CADPS2: variants seen among roughly 807,000 people sequenced by gnomAD.
CADPS2 encodes the protein calcium-dependent secretion activator 2.
In CADPS2, 93 loss-of-function variants were observed where a neutral mutation model predicts 172.5. The ratio of observed to expected loss-of-function variants is 0.54; its 90% confidence interval spans 0.46 to 0.64. The LOEUF is 0.64. CADPS2 is among the 30% of genes least tolerant of loss of function. The pLI is 0.00. For missense variants in CADPS2, 1,420 were observed against 1,565.9 expected (o/e 0.91, Z 1.57); for synonymous variants, 546 against 555.2 (o/e 0.98, Z 0.23).
chr7:122,321,320 C>T (rs2032443672), intron 29 of CADPS2, among the ~76,000 whole-genome samples: 1 of 152,128 alleles, frequency 6.6e-6, no homozygotes, highest in Non-Finnish European at 1.5e-5. Context: ...GTGTGTGCTA[C>T]TGCGCTCGGC....
At chr7:122,865,491 T>C (rs529717136) in intron 1 of CADPS2, among the ~76,000 whole-genome samples, 40 of 152,332 alleles carry the variant, frequency 2.6e-4, no homozygotes, top group Admixed American at 1.6e-3. Context: ...AGCCAATTCT[T>C]GCTCCTATTG....
chr7:122,450,521 CTTTTTTTTTTT>C (rs11422329), intron 15 of CADPS2, among the ~76,000 whole-genome samples: 2 of 79,130 alleles, frequency 2.5e-5, no homozygotes, highest in African/African-American at 9.4e-5. Flanking sequence ...TATTGGTGGC[CTTTTTTTTTTT>C]TTTTTTTTTT....
intron 1 of CADPS2, among the ~76,000 whole-genome samples, chr7:122,883,988 C>A (rs1248976146): frequency 6.6e-6 from 1 of 152,070 alleles, no homozygotes; most frequent in Non-Finnish European, 1.5e-5. Context: ...AATATTTAAA[C>A]AGAAGGAGTC....
At chr7:122,381,035 C>T (rs1412388797) in intron 24 of CADPS2, among the ~76,000 whole-genome samples, 6 of 152,212 alleles carry the variant, frequency 3.9e-5, no homozygotes, top group South Asian at 4.1e-4. Flanking sequence ...TAATAATTTT[C>T]TGAGCCAGAC....
chr7:122,733,912 G>A (rs868001011), intron 2 of CADPS2, among the ~76,000 whole-genome samples: 7 of 152,006 alleles, frequency 4.6e-5, no homozygotes, highest in Admixed American at 1.3e-4. Flanking sequence ...CTGCACTCTA[G>A]TCGGGGTGAC....
intron 1 of CADPS2, among the ~76,000 whole-genome samples, chr7:122,877,800 G>A (rs1002754830): frequency 6.6e-6 from 1 of 152,022 alleles, no homozygotes; most frequent in Non-Finnish European, 1.5e-5. Context: ...GTCTAATCAG[G>A]AGCATGTACT....
intron 20 of CADPS2, among the ~76,000 whole-genome samples, chr7:122,406,797 G>C (rs2046701114): frequency 6.6e-6 from 1 of 152,158 alleles, no homozygotes; most frequent in African/African-American, 2.4e-5. Flanking sequence ...TTATTCAGTA[G>C]GGAATTAGTG....
chr7:122,789,866 C>T (rs978595314), intron 1 of CADPS2, among the ~76,000 whole-genome samples: 5 of 151,916 alleles, frequency 3.3e-5, no homozygotes, highest in African/African-American at 1.2e-4. Flanking sequence ...AACATAGGAG[C>T]AATGCTGATC....
At chr7:122,583,529 TA>T (rs1011200148) in intron 6 of CADPS2, among the ~76,000 whole-genome samples, 5 of 151,366 alleles carry the variant, frequency 3.3e-5, no homozygotes, top group Admixed American at 6.6e-5. Context: ...CTTTTATAGG[TA>T]AAAAAAATTC....
rs1011257475 is a variant in CADPS2, at chr7:122,737,058, T to C, written c.350A>G (p.Gln117Arg). The C allele has an allele frequency of 1.9e-6, 3 of 1,588,686 alleles. No homozygotes were observed. The highest frequency in any genetic ancestry group is 1.7e-6 in the Non-Finnish European group (2 of 1,157,830). Residue 117 changes from glutamine (Q) to arginine (R), a missense_variant, in exon 2 of 30, where the codon CAA becomes CGA. Gln to Arg is a conservative substitution (Grantham distance 43, BLOSUM62 1). Transcript: ENST00000449022. ...CCGTTCTTTCAGTAACTGCAACTGT[T>C]GTTTGTTAAGCTACAAGAAAAAGAG... is the stretch of plus-strand genomic sequence containing the variant. ...MARRQQKLNK[Q>R]QLQLLKERFQ...
At chr7:122,603,647 T>C (rs144224450) in intron 6 of CADPS2, among the ~76,000 whole-genome samples, 41 of 152,194 alleles carry the variant, frequency 2.7e-4, no homozygotes, top group African/African-American at 8.4e-4. Context: ...CAGATATAAA[T>C]AGCCATAGTA....
chr7:122,865,422 T>C (rs1312304704), intron 1 of CADPS2, among the ~76,000 whole-genome samples: 2 of 152,186 alleles, frequency 1.3e-5, no homozygotes, highest in East Asian at 1.9e-4. Flanking sequence ...CTGTGACACA[T>C]GTGAGACCCT....
At chr7:122,719,916 C>T (rs996262888) in intron 2 of CADPS2, among the ~76,000 whole-genome samples, 4 of 151,952 alleles carry the variant, frequency 2.6e-5, no homozygotes, top group African/African-American at 9.7e-5. Flanking sequence ...TTTGTTGTAA[C>T]ATAGAAAATA....
chr7:122,494,708 A>C (rs957117118), intron 9 of CADPS2, among the ~76,000 whole-genome samples: 2 of 152,080 alleles, frequency 1.3e-5, no homozygotes, highest in African/African-American at 4.8e-5. Context: ...ATTTTGAAGA[A>C]TAAAAACATT....
Position 122,886,179 on chromosome 7 carries a change from C to G in CADPS2, c.159G>C (p.Ala53=), listed in dbSNP as rs2141870048. 1.4e-6 allele frequency: 2 copies of G among 1,478,708 alleles called. No individual in the cohort carries two copies. The highest frequency in any genetic ancestry group is 8.9e-7 in the Non-Finnish European group (1 of 1,123,090). 91.6% of individuals were successfully genotyped at this position (1,478,708 alleles called of 1,614,324 possible). A position where few individuals can be genotyped will look rare whatever the true frequency, so the allele number is the denominator to read the frequency against. Residue 53 remains alanine (A), a synonymous_variant, in exon 1 of 30, where the codon GCG becomes GCC. Transcript: ENST00000449022. ...DAPGRAGGGG[A]ARSVSPSPSV... is the part of the protein sequence containing the mutation. The stretch of plus-strand genomic sequence containing the variant: ...AGGGGCTCGGGCTCACAGATCTGGC[C>G]GCGCCGCCGCCGCCCGCGCGCCCCG...
chr7:122,435,683 A>T (rs556417926), intron 17 of CADPS2, among the ~76,000 whole-genome samples: 45 of 152,238 alleles, frequency 3.0e-4, no homozygotes, highest in African/African-American at 1.1e-3. Context: ...ACAACCAAAA[A>T]AATTGAAATC....
At chr7:122,423,774 G>A (rs979883274) in intron 17 of CADPS2, among the ~76,000 whole-genome samples, 6 of 152,138 alleles carry the variant, frequency 3.9e-5, no homozygotes, top group Non-Finnish European at 7.3e-5. Flanking sequence ...GCATCATTCC[G>A]AATTTCTGAT....
intron 1 of CADPS2, among the ~76,000 whole-genome samples, chr7:122,874,581 A>G (rs1376793267): frequency 1.3e-5 from 2 of 152,146 alleles, no homozygotes; most frequent in African/African-American, 4.8e-5. Context: ...CAAGACAACC[A>G]TAAGCAAAAA....
intron 20 of CADPS2, among the ~76,000 whole-genome samples, chr7:122,405,038 C>T (rs1206668745): frequency 6.6e-6 from 1 of 151,792 alleles, no homozygotes; most frequent in Non-Finnish European, 1.5e-5. Flanking sequence ...GCCGAGATCG[C>T]GTCATTGCAC....
Sources: gnomAD v4.1 joint callset for allele counts (sites outside exome capture counted in the v4.1 genomes callset) on GRCh38, gnomAD v4.1.1 for gene constraint, MANE v1.5 for transcripts, NCBI Gene and HGNC (gene_info 2026-07-23, HGNC 2026-07-21) for gene names.